NTNG1: variants seen among roughly 807,000 people sequenced by gnomAD.
NTNG1 encodes the protein netrin G1, also known as netrin-G1.
A neutral mutation model predicts 54.0 loss-of-function variants in NTNG1; 16 were observed. That is an observed-to-expected ratio of 0.30 (90% CI 0.20 to 0.45). NTNG1 has a LOEUF of 0.45. NTNG1 is among the 20% of genes least tolerant of loss of function. NTNG1 has a pLI of 1.00. For missense variants in NTNG1, 530 were observed against 678.7 expected (o/e 0.78, Z 2.43); for synonymous variants, 255 against 263.1 (o/e 0.97, Z 0.30).
chr1:107,415,133 A>C (rs1674109360), intron 5 of NTNG1, among the ~76,000 whole-genome samples: 1 of 152,188 alleles, frequency 6.6e-6, no homozygotes. Flanking sequence ...AGTCAATTTT[A>C]ACAAAGGTAT....
intron 2 of NTNG1, among the ~76,000 whole-genome samples, chr1:107,277,624 G>C (rs1347070776): frequency 2.0e-5 from 3 of 152,126 alleles, no homozygotes; most frequent in African/African-American, 7.2e-5. Context: ...AAAAATCAAA[G>C]GTATCTTTTT....
intron 5 of NTNG1, chr1:107,409,604 A>T (rs897309913): frequency 7.2e-5 from 11 of 152,144 alleles, no homozygotes; most frequent in African/African-American, 2.7e-4. Context: ...AAAAAAATAT[A>T]TTAACCTTTA....
chr1:107,155,400 T>A (rs1654909414), intron 2 of NTNG1, among the ~76,000 whole-genome samples: 1 of 152,092 alleles, frequency 6.6e-6, no homozygotes. Flanking sequence ...TCTCTTGACT[T>A]TTTAACTCAT....
chr1:107,265,807 G>A (rs1053488847), intron 2 of NTNG1, among the ~76,000 whole-genome samples: 1 of 152,170 alleles, frequency 6.6e-6, no homozygotes, highest in Non-Finnish European at 1.5e-5. Context: ...ATAAAGCAGA[G>A]CTATGAATGC....
chr1:107,201,438 T>C (rs1014569193), intron 2 of NTNG1, among the ~76,000 whole-genome samples: 3 of 151,914 alleles, frequency 2.0e-5, no homozygotes, highest in African/African-American at 7.2e-5. Flanking sequence ...GTTACAAGGA[T>C]TTCTTCTTCA....
intron 4 of NTNG1, among the ~76,000 whole-genome samples, chr1:107,396,652 A>G (rs1672702989): frequency 4.6e-5 from 7 of 152,262 alleles, no homozygotes; most frequent in Admixed American, 2.6e-4. Context: ...TTGCAAGGTT[A>G]TTTATTGCAA....
At chr1:107,191,977 A>G (rs978645652) in intron 2 of NTNG1, among the ~76,000 whole-genome samples, 4 of 152,146 alleles carry the variant, frequency 2.6e-5, no homozygotes, top group Non-Finnish European at 4.4e-5. Context: ...AGTCATTGGT[A>G]GCTTGATGGG....
intron 2 of NTNG1, among the ~76,000 whole-genome samples, chr1:107,181,484 A>G (rs973160400): frequency 1.3e-4 from 16 of 125,314 alleles, no homozygotes; most frequent in African/African-American, 4.5e-4. Flanking sequence ...GTGTTGGTTA[A>G]CTTATATGAA....
intron 2 of NTNG1, among the ~76,000 whole-genome samples, chr1:107,282,123 G>A (rs1276602326): frequency 6.6e-6 from 1 of 152,128 alleles, no homozygotes; most frequent in African/African-American, 2.4e-5. Context: ...TAAAACAATA[G>A]GGGAAGTTTC....
In NTNG1 at chr1:107,148,556, C is replaced by T. The variant is rs1158397046; in HGVS notation, c.-38C>T. On this transcript the variant is annotated 5_prime_UTR_variant, in exon 2 of 8. Transcript: ENST00000370068. ...AAGATCGCAGATCATAAAGCAAGCTCTGCTTTAGTTTCCAAGAAGATTACA... is the reference window on the plus strand; with the variant it reads ...AAGATCGCAGATCATAAAGCAAGCTTTGCTTTAGTTTCCAAGAAGATTACA... 2 of 1,600,306 alleles carry T rather than the reference C, an allele frequency of 1.2e-6. No homozygotes were observed. The highest frequency in any genetic ancestry group is 2.2e-5 in the East Asian group (1 of 44,738).
At chr1:107,232,669 C>T (rs576251963) in intron 2 of NTNG1, among the ~76,000 whole-genome samples, 1 of 152,236 alleles carries the variant, frequency 6.6e-6, no homozygotes, top group African/African-American at 2.4e-5. Flanking sequence ...AGTGATGAGC[C>T]AAATTTAATT....
chr1:107,316,311 A>G (rs952235169), intron 2 of NTNG1, among the ~76,000 whole-genome samples: 2 of 152,180 alleles, frequency 1.3e-5, no homozygotes. Context: ...AGTGAAGCAA[A>G]TATTTTCCAC....
intron 3 of NTNG1, among the ~76,000 whole-genome samples, chr1:107,388,953 T>A (rs1392307342): frequency 6.8e-6 from 1 of 146,320 alleles, no homozygotes; most frequent in Non-Finnish European, 1.5e-5. Context: ...TCTAAAAGCA[T>A]TTGTATAGCT....
At chr1:107,401,226 G>T (rs1673013489) in intron 4 of NTNG1, among the ~76,000 whole-genome samples, 1 of 152,196 alleles carries the variant, frequency 6.6e-6, no homozygotes, top group African/African-American at 2.4e-5. Context: ...CCTCCCCGAG[G>T]GTTATTTACT....
At chr1:107,319,742 G>A (rs950002352) in intron 2 of NTNG1, among the ~76,000 whole-genome samples, 1 of 151,862 alleles carries the variant, frequency 6.6e-6, no homozygotes, top group South Asian at 2.1e-4. Flanking sequence ...GGCAAATCTC[G>A]CGTAAGAATT....
intron 2 of NTNG1, among the ~76,000 whole-genome samples, chr1:107,185,790 C>T (rs188941590): frequency 4.3e-4 from 65 of 152,218 alleles, no homozygotes; most frequent in Non-Finnish European, 6.5e-4. Flanking sequence ...GAGCAATATG[C>T]GGCCTGTGAA....
In NTNG1 at chr1:107,274,524, T is replaced by A. The variant is rs923872144; in HGVS notation, c.247-49758T>A. Among the ~76,000 whole-genome samples the A allele has an allele frequency of 5.9e-5, 9 of 152,208 alleles. 1 individual carries two copies. Among genetic ancestry groups the A allele is most frequent in the Admixed American group, 5.9e-4 (9 of 15,274 alleles). On this transcript the variant is annotated intron_variant, in intron 2 of 7. Coordinates refer to ENST00000370068, the MANE Select transcript of NTNG1 (RefSeq NM_001113226.3). ...CCCTTCCTTTTACCAATGACCAAAC[T>A]GAAACACAAGCCTTAAATAACTTGC...
chr1:107,225,394 C>G (rs1660608497), intron 2 of NTNG1, among the ~76,000 whole-genome samples: 2 of 152,076 alleles, frequency 1.3e-5, no homozygotes, highest in African/African-American at 2.4e-5. Context: ...TCTTGCTTAT[C>G]TTCAATGCTA....
At chr1:107,206,750 T>G (rs1355166524) in intron 2 of NTNG1, among the ~76,000 whole-genome samples, 1 of 152,176 alleles carries the variant, frequency 6.6e-6, no homozygotes, top group Non-Finnish European at 1.5e-5. Context: ...TAGTATATAT[T>G]GGGTTTTGTG....
Sources: gnomAD v4.1 joint callset for allele counts (sites outside exome capture counted in the v4.1 genomes callset) on GRCh38, gnomAD v4.1.1 for gene constraint, MANE v1.5 for transcripts, NCBI Gene and HGNC (gene_info 2026-07-23, HGNC 2026-07-21) for gene names.